RBFOX1: variants seen among roughly 807,000 people sequenced by gnomAD.
RBFOX1 encodes RNA binding fox-1 homolog 1.
RBFOX1 carries 8 observed loss-of-function variants against 57.7 expected under a neutral mutation model. The observed-to-expected ratio is 0.14, with a 90% CI of 0.08 to 0.25. The LOEUF is 0.25. Among genes scored for constraint, RBFOX1 ranks in the 10% least tolerant of loss-of-function variants. RBFOX1 has a pLI of 1.00. For missense variants in RBFOX1, 611 were observed against 548.5 expected (o/e 1.11, Z -1.14); for synonymous variants, 326 against 222.4 (o/e 1.47, Z -4.15).
chr16:6,511,230 G>A (rs1450507858), intron 2 of RBFOX1, among the ~76,000 whole-genome samples: 1 of 152,180 alleles, frequency 6.6e-6, no homozygotes, highest in African/African-American at 2.4e-5. Flanking sequence ...CTGATACTCA[G>A]ATGTGTTGGT....
At chr16:5,405,102 C>T (rs1274585256) in intron 1 of RBFOX1, among the ~76,000 whole-genome samples, 2 of 152,212 alleles carry the variant, frequency 1.3e-5, no homozygotes, top group East Asian at 1.9e-4. Context: ...CATCATCACA[C>T]AGCTATTAAG....
chr16:6,987,014 G>C (rs2090437584), intron 3 of RBFOX1, among the ~76,000 whole-genome samples: 1 of 152,072 alleles, frequency 6.6e-6, no homozygotes, highest in Non-Finnish European at 1.5e-5. Flanking sequence ...AGTCCATTCT[G>C]AGTGGAATGA....
chr16:6,852,342 G>T (rs1264103699), intron 3 of RBFOX1, among the ~76,000 whole-genome samples: 1 of 152,070 alleles, frequency 6.6e-6, no homozygotes, highest in South Asian at 2.1e-4. Context: ...GGGCCCTCTG[G>T]ATAATCCAGG....
At chr16:5,729,270 C>T (rs190370024) in intron 3 of RBFOX1, among the ~76,000 whole-genome samples, 1 of 152,118 alleles carries the variant, frequency 6.6e-6, no homozygotes, top group East Asian at 1.9e-4. Flanking sequence ...AGGTTAAGTT[C>T]TAAATCAGAG....
At chr16:6,971,905 TG>T (rs1367243592) in intron 3 of RBFOX1, among the ~76,000 whole-genome samples, 3 of 151,900 alleles carry the variant, frequency 2.0e-5, no homozygotes, top group Non-Finnish European at 4.4e-5. Context: ...GCAGCCTCAG[TG>T]GGGTGGTGAG....
chr16:5,619,036 C>A lies in RBFOX1; in HGVS notation c.318+20075C>A, dbSNP rs113819895. Among the ~76,000 whole-genome samples the A allele has an allele frequency of 7.2e-3, 1,099 of 152,198 alleles. 10 individuals are homozygous for A. The highest frequency in any genetic ancestry group is 0.025 in the African/African-American group (1,045 of 41,522). ...TATTTAGGAGGAATGTGGCTGTTGC[C>A]CCTGGACAGGACAAAATGTCTAGTC... On this transcript the variant is annotated intron_variant, in intron 3 of 19. Coordinates refer to the RBFOX1 transcript ENST00000641259.
intron 2 of RBFOX1, among the ~76,000 whole-genome samples, chr16:5,561,630 A>C (rs2045894404): frequency 6.6e-6 from 1 of 152,164 alleles, no homozygotes; most frequent in African/African-American, 2.4e-5. Flanking sequence ...TTTTAATACT[A>C]GACCTTTATA....
chr16:7,211,678 A>G lies in RBFOX1; in HGVS notation c.27+159580A>G, dbSNP rs148131883. Among the ~76,000 whole-genome samples the G allele has an allele frequency of 4.9e-3, 744 of 152,244 alleles. 10 individuals are homozygous for G. The highest frequency in any genetic ancestry group is 0.017 in the African/African-American group (722 of 41,538). On this transcript the variant is annotated intron_variant, in intron 4 of 15. Coordinates refer to ENST00000550418, the MANE Select transcript of RBFOX1 (RefSeq NM_018723.4). ...GAAAATGAACAAGAATGTAAGTTAC[A>G]CTGATTCCTGCCCTGGGGTAATGGG...
At chr16:5,323,793 C>A (rs141094908) in intron 1 of RBFOX1, among the ~76,000 whole-genome samples, 1 of 152,354 alleles carries the variant, frequency 6.6e-6, no homozygotes, top group East Asian at 1.9e-4. Flanking sequence ...GTTCTGTGAA[C>A]ATCTGCCCAT....
chr16:5,545,070 G>C (rs182991007), intron 2 of RBFOX1, among the ~76,000 whole-genome samples: 219 of 140,998 alleles, frequency 1.6e-3, no homozygotes, highest in African/African-American at 5.6e-3. Flanking sequence ...TCTGCCTCCT[G>C]GGTTCAAGTG....
At chr16:5,590,294 G>A (rs1235869943) in intron 2 of RBFOX1, among the ~76,000 whole-genome samples, 1 of 152,166 alleles carries the variant, frequency 6.6e-6, no homozygotes, top group Non-Finnish European at 1.5e-5. Flanking sequence ...TCTTTGCCCT[G>A]GGGAGAAGCA....
At chr16:6,718,071 A>G (rs1043168924) in intron 3 of RBFOX1, among the ~76,000 whole-genome samples, 14 of 152,082 alleles carry the variant, frequency 9.2e-5, no homozygotes, top group African/African-American at 2.4e-4. Flanking sequence ...TTCTTTGTCT[A>G]ATTTTAGAGC....
chr16:7,186,965 C>T (rs1224412876), intron 4 of RBFOX1, among the ~76,000 whole-genome samples: 1 of 138,242 alleles, frequency 7.2e-6, no homozygotes, highest in Non-Finnish European at 1.5e-5. Context: ...TGAGACCAGC[C>T]TGGGCAACAT....
At chr16:6,875,239 A>C (rs10153149) in intron 3 of RBFOX1, among the ~76,000 whole-genome samples, 33,158 of 152,172 alleles carry the variant, frequency 0.22, 3,951 homozygotes, top group South Asian at 0.41. Context: ...ATTGTAATTC[A>C]GGAAATTTCA....
At chr16:6,620,732 A>G (rs988911801) in intron 2 of RBFOX1, among the ~76,000 whole-genome samples, 2 of 152,236 alleles carry the variant, frequency 1.3e-5, no homozygotes, top group Admixed American at 6.5e-5. Context: ...CCCTCTCTGC[A>G]CATAAACTAG....
intron 2 of RBFOX1, among the ~76,000 whole-genome samples, chr16:6,652,653 T>C (rs1056206838): frequency 6.6e-6 from 1 of 152,024 alleles, no homozygotes; most frequent in African/African-American, 2.4e-5. Flanking sequence ...AGTCACCTAG[T>C]CTGTAATATT....
chr16:5,889,180 C>G (rs768066901), intron 4 of RBFOX1, among the ~76,000 whole-genome samples: 21 of 152,176 alleles, frequency 1.4e-4, no homozygotes, highest in African/African-American at 3.6e-4. Context: ...CACAGATCAA[C>G]TCATCACCTA....
At chr16:5,966,838 C>T (rs1396282897) in intron 4 of RBFOX1, among the ~76,000 whole-genome samples, 4 of 152,018 alleles carry the variant, frequency 2.6e-5, no homozygotes, top group East Asian at 3.9e-4. Context: ...ACCATATCAG[C>T]AGCCTCATGG....
At chr16:6,181,109 A>G (rs2097059300) in intron 1 of RBFOX1, among the ~76,000 whole-genome samples, 1 of 152,184 alleles carries the variant, frequency 6.6e-6, no homozygotes, top group Non-Finnish European at 1.5e-5. Flanking sequence ...ACACTGCTTC[A>G]GGATTAATCT....
Sources: allele counts gnomAD v4.1 joint callset (sites outside exome capture counted in the v4.1 genomes callset), GRCh38; gene constraint gnomAD v4.1.1; transcripts MANE v1.5; gene names NCBI Gene and HGNC (gene_info 2026-07-23, HGNC 2026-07-21).